ABCG2: variants seen among roughly 807,000 people sequenced by gnomAD.
The protein encoded by ABCG2 is ATP binding cassette subfamily G member 2 (JR blood group), also known as broad substrate specificity ATP-binding cassette transporter ABCG2.
ABCG2 carries 80 observed loss-of-function variants against 73.5 expected under a neutral mutation model. The ratio of observed to expected loss-of-function variants is 1.09; its 90% CI spans 0.91 to 1.31. ABCG2 has a LOEUF of 1.31. Ranked by LOEUF, ABCG2 falls within the 50% of genes most tolerant of loss-of-function variation. ABCG2 has a pLI of 0.00. For missense variants in ABCG2, 796 were observed against 786.2 expected, an observed-to-expected ratio of 1.01 and a Z score of -0.15; for synonymous variants, 269 against 282.4, an observed-to-expected ratio of 0.95 and a Z score of 0.48.
At chr4:88,197,235 T>C (rs6532055) in intron 1 of ABCG2, among the ~76,000 whole-genome samples, 58,361 of 143,088 alleles carry the variant, frequency 0.41, 12,344 homozygotes, top group East Asian at 0.74. Context: ...AGGCAAAAAA[T>C]AGTTTGACCA....
chr4:88,099,734 C>T (rs1375682008), intron 11 of ABCG2, among the ~76,000 whole-genome samples: 1 of 152,200 alleles, frequency 6.6e-6, no homozygotes, highest in Non-Finnish European at 1.5e-5. Flanking sequence ...GAAACAGATT[C>T]CACACATCCT....
intron 1 of ABCG2, among the ~76,000 whole-genome samples, chr4:88,153,615 C>T (rs1036403632): frequency 1.3e-5 from 2 of 151,400 alleles, no homozygotes; most frequent in Non-Finnish European, 2.9e-5. Context: ...TAATAAAGGC[C>T]GGTCCTCTAT....
chr4:88,197,098 G>A (rs753417896), intron 1 of ABCG2, among the ~76,000 whole-genome samples: 2 of 149,688 alleles, frequency 1.3e-5, no homozygotes, highest in Non-Finnish European at 3.0e-5. Context: ...TAGGACTGTA[G>A]AATATTACCC....
At chr4:88,121,127 G>A (rs974097881) in intron 6 of ABCG2, among the ~76,000 whole-genome samples, 1 of 152,046 alleles carries the variant, frequency 6.6e-6, no homozygotes, top group African/African-American at 2.4e-5. Context: ...AACAATTTCA[G>A]TACAATATGA....
rs12641988 is a variant in ABCG2, at chr4:88,144,709, G to A, written c.-19-4695C>T. 1.2e-4 allele frequency among the ~76,000 whole-genome samples: 18 copies of A among 151,944 alleles called. No homozygotes were observed. In the East Asian group the frequency reaches 2.7e-3, roughly 23 times the overall value. On this transcript the variant is annotated intron_variant, in intron 1 of 15. Coordinates refer to ENST00000237612, the MANE Select transcript of ABCG2 (RefSeq NM_004827.3). The stretch of plus-strand genomic sequence containing the variant: ...TGACCTCAGGTGATCCGCCCACGTC[G>A]GCCTCCAAAAGTGCTGGGATTATAG...
rs547230132 is a variant in ABCG2, at chr4:88,154,607, C to A, written c.-20+3779G>T. On this transcript the variant is annotated intron_variant, in intron 1 of 15. Coordinates refer to ENST00000237612, the MANE Select transcript of ABCG2 (RefSeq NM_004827.3). Reference sequence around the variant, plus strand: ...TAAACCAAGTGTTCAGGGTGAGGAACAGGAAAGAAGGAAATATGCGGAAAT... The same window carrying A: ...TAAACCAAGTGTTCAGGGTGAGGAAAAGGAAAGAAGGAAATATGCGGAAAT... Among the ~76,000 whole-genome samples, 6 of 152,142 alleles carry A rather than the reference C, an allele frequency of 3.9e-5. No individual in the cohort carries two copies. In the East Asian group the frequency reaches 9.7e-4, roughly 25 times the overall value.
chr4:88,164,558 T>C (rs1353206979), intron 1 of ABCG2, among the ~76,000 whole-genome samples: 2 of 152,158 alleles, frequency 1.3e-5, no homozygotes, highest in African/African-American at 4.8e-5. Context: ...AAGAAGGATG[T>C]GTTTGCTTCC....
chr4:88,198,839 A>G (rs939736665), intron 1 of ABCG2, among the ~76,000 whole-genome samples: 1 of 152,112 alleles, frequency 6.6e-6, no homozygotes, highest in Non-Finnish European at 1.5e-5. Context: ...CTGAAAAGCA[A>G]AGAGAAAAAA....
chr4:88,213,073 T>A (rs751917961), intron 1 of ABCG2, among the ~76,000 whole-genome samples: 10 of 152,100 alleles, frequency 6.6e-5, no homozygotes, highest in Non-Finnish European at 1.3e-4. Flanking sequence ...AGCTAATTTT[T>A]AAAAATTCTT....
chr4:88,102,062 A>G (rs545872350), intron 10 of ABCG2, among the ~76,000 whole-genome samples: 2 of 152,328 alleles, frequency 1.3e-5, no homozygotes, highest in South Asian at 4.1e-4. Flanking sequence ...AAAATGAAAG[A>G]CAGTGAAGGG....
intron 2 of ABCG2, among the ~76,000 whole-genome samples, chr4:88,135,492 C>T (rs1303519567): frequency 6.6e-6 from 1 of 152,096 alleles, no homozygotes; most frequent in Non-Finnish European, 1.5e-5. Flanking sequence ...CAAGAGAGGT[C>T]AATGCTCACC....
At chr4:88,121,606 CTAAAGAA>C in intron 6 of ABCG2, 22 bp downstream of exon 6, 4 of 1,606,186 alleles carry the variant, frequency 2.5e-6, no homozygotes, top group Non-Finnish European at 2.6e-6. Flanking sequence ...AAGATATTAA[CTAAAGAA>C]TAATGTTTCC....
Position 88,097,093 on chromosome 4 carries a change from G to A in ABCG2, c.1647+360C>T, listed in dbSNP as rs182470245. ...GTTCTCTAATGCCAGCATGAAAGTC[G>A]GGCAAATAATCTGTAATTCTCAAGA... On this transcript the variant is annotated intron_variant, in intron 13 of 15. Coordinates refer to ENST00000237612, the MANE Select transcript of ABCG2 (RefSeq NM_004827.3). Among the ~76,000 whole-genome samples the A allele has an allele frequency of 2.3e-4, 35 of 152,110 alleles. No individual in the cohort carries two copies. In the East Asian group the frequency reaches 6.0e-3, roughly 26 times the overall value.
intron 1 of ABCG2, among the ~76,000 whole-genome samples, chr4:88,211,372 C>CA (rs1553900243): frequency 3.2e-5 from 4 of 124,016 alleles, no homozygotes; most frequent in Non-Finnish European, 5.3e-5. Context: ...CACCCCCCCC[C>CA]ACTTTTGGAG....
intron 1 of ABCG2, among the ~76,000 whole-genome samples, chr4:88,205,165 C>T (rs946421510): frequency 6.6e-6 from 1 of 152,176 alleles, no homozygotes; most frequent in African/African-American, 2.4e-5. Context: ...GTTTTATTTC[C>T]TTCAAATTCC....
chr4:88,104,515 G>A (rs56086062), intron 10 of ABCG2, among the ~76,000 whole-genome samples: 9,448 of 152,240 alleles, frequency 0.062, 603 homozygotes, highest in African/African-American at 0.16. Context: ...ACGAGAAGCA[G>A]TGGGAGGAAG....
intron 1 of ABCG2, among the ~76,000 whole-genome samples, chr4:88,217,966 T>C (rs1215848039): frequency 2.3e-5 from 1 of 42,792 alleles, no homozygotes; most frequent in African/African-American, 9.7e-5. Flanking sequence ...ACGATGTTTC[T>C]AAAAATTAAA....
intron 1 of ABCG2, among the ~76,000 whole-genome samples, chr4:88,178,533 G>T (rs1199075888): frequency 6.6e-6 from 1 of 152,172 alleles, no homozygotes; most frequent in Non-Finnish European, 1.5e-5. Context: ...TTAAGAAAAG[G>T]AGTACTCTCA....
intron 9 of ABCG2, among the ~76,000 whole-genome samples, chr4:88,110,474 C>T (rs894648405): frequency 2.6e-5 from 4 of 151,890 alleles, no homozygotes; most frequent in Non-Finnish European, 2.9e-5. Context: ...ACCCGGGAGG[C>T]GGAGGTTACA....
Sources: gnomAD v4.1 joint callset for allele counts (sites outside exome capture counted in the v4.1 genomes callset) on GRCh38, gnomAD v4.1.1 for gene constraint, MANE v1.5 for transcripts, NCBI Gene and HGNC (gene_info 2026-07-23, HGNC 2026-07-21) for gene names.